Variants in SCFD2 observed in about 807,000 individuals in gnomAD.
SCFD2 encodes sec1 family domain containing 2, also known as sec1 family domain-containing protein 2.
In SCFD2, 54 loss-of-function variants were observed where a neutral mutation model predicts 58.9. The ratio of observed to expected loss-of-function variants is 0.92; its 90% CI spans 0.74 to 1.15. The LOEUF (loss-of-function observed/expected upper bound fraction) is 1.15. Ranked by LOEUF, SCFD2 falls within the 50% of genes most tolerant of loss-of-function variation. SCFD2 has a pLI of 0.00. For synonymous variants in SCFD2, 321 were observed against 335.9 expected, an observed-to-expected ratio of 0.96 and a Z score of 0.49; for missense variants, 805 against 836.6, an observed-to-expected ratio of 0.96 and a Z score of 0.47.
chr4:53,358,854 G>A (rs113074778), intron 1 of SCFD2, among the ~76,000 whole-genome samples: 2,272 of 152,314 alleles, frequency 0.015, 55 homozygotes, highest in African/African-American at 0.052. Context: ...ACCCATAGGT[G>A]TCCAAACTCT....
chr4:53,240,218 T>C (rs1729851484), intron 4 of SCFD2, among the ~76,000 whole-genome samples: 1 of 152,186 alleles, frequency 6.6e-6, no homozygotes, highest in South Asian at 2.1e-4. Context: ...ATCTACCTCT[T>C]ACCTTCAAAA....
chr4:53,194,399 G>A (rs772111477), intron 4 of SCFD2, among the ~76,000 whole-genome samples: 1 of 151,998 alleles, frequency 6.6e-6, no homozygotes, highest in South Asian at 2.1e-4. Context: ...AACCTTTTTA[G>A]AACCTATAAT....
chr4:53,005,504 TA>T, intron 5 of SCFD2, among the ~76,000 whole-genome samples: 1 of 152,256 alleles, frequency 6.6e-6, no homozygotes, highest in Non-Finnish European at 1.5e-5. Flanking sequence ...CCTCATACAT[TA>T]AATTAAAGAG....
At chr4:53,173,343 GA>G (rs1369054590) in intron 4 of SCFD2, among the ~76,000 whole-genome samples, 1 of 152,092 alleles carries the variant, frequency 6.6e-6, no homozygotes, top group African/African-American at 2.4e-5. Flanking sequence ...TTTGCACCCT[GA>G]TAAAGTCAAA....
intron 4 of SCFD2, among the ~76,000 whole-genome samples, chr4:53,197,747 C>CA (rs10717880): frequency 0.14 from 13,175 of 96,496 alleles, 936 homozygotes; most frequent in East Asian, 0.23. Context: ...TAGAAGATGG[C>CA]AAAAAAAAAA....
intron 5 of SCFD2, among the ~76,000 whole-genome samples, chr4:53,107,585 C>T (rs530388428): frequency 6.6e-5 from 10 of 151,952 alleles, no homozygotes; most frequent in African/African-American, 1.7e-4. Flanking sequence ...TCCTAGTCCC[C>T]GATTAAACAG....
intron 3 of SCFD2, among the ~76,000 whole-genome samples, chr4:53,311,682 C>CTCCAACTCACTGT (rs1732696252): frequency 1.3e-5 from 2 of 151,590 alleles, no homozygotes; most frequent in African/African-American, 2.4e-5. Flanking sequence ...TGTTGCCAGG[C>CTCCAACTCACTGT]TGGAGTGCAG....
At chr4:53,066,455 T>C (rs750867892) in intron 5 of SCFD2, among the ~76,000 whole-genome samples, 1 of 152,134 alleles carries the variant, frequency 6.6e-6, no homozygotes, top group Non-Finnish European at 1.5e-5. Context: ...GTGATTGTTT[T>C]ATGGTATGTG....
chr4:52,919,898 C>T (rs1462090689), intron 6 of SCFD2, among the ~76,000 whole-genome samples: 1 of 152,188 alleles, frequency 6.6e-6, no homozygotes, highest in Non-Finnish European at 1.5e-5. Context: ...ATTCAGCTCT[C>T]CAAAAAGCCT....
intron 1 of SCFD2, among the ~76,000 whole-genome samples, chr4:53,361,699 A>G (rs1734553246): frequency 6.6e-6 from 1 of 152,176 alleles, no homozygotes; most frequent in Non-Finnish European, 1.5e-5. Context: ...AGTGGTTTTT[A>G]TCTATAAAAT....
intron 5 of SCFD2, among the ~76,000 whole-genome samples, chr4:53,069,304 A>C (rs1353535110): frequency 6.6e-6 from 1 of 152,074 alleles, no homozygotes; most frequent in African/African-American, 2.4e-5. Flanking sequence ...ATTATGAATG[A>C]GTCCACGACT....
At chr4:52,969,614 TG>T (rs1352066934) in intron 5 of SCFD2, among the ~76,000 whole-genome samples, 1 of 152,174 alleles carries the variant, frequency 6.6e-6, no homozygotes, top group African/African-American at 2.4e-5. Flanking sequence ...CTTAAGAGGC[TG>T]TTTGTAATTT....
chr4:53,326,124 T>C (rs571435041), intron 2 of SCFD2, among the ~76,000 whole-genome samples: 1 of 152,152 alleles, frequency 6.6e-6, no homozygotes, highest in South Asian at 2.1e-4. Flanking sequence ...ATTCATTATT[T>C]AAAATTTTAT....
At chr4:53,197,056 A>G (rs1338537810) in intron 4 of SCFD2, among the ~76,000 whole-genome samples, 1 of 152,144 alleles carries the variant, frequency 6.6e-6, no homozygotes, top group Non-Finnish European at 1.5e-5. Flanking sequence ...TGAAACCAAC[A>G]CTAATTAAAA....
intron 4 of SCFD2, among the ~76,000 whole-genome samples, chr4:53,269,304 A>G (rs2149063672): frequency 6.6e-6 from 1 of 152,296 alleles, no homozygotes. Flanking sequence ...AATCTGGGTG[A>G]TAGAGTGAGA....
chr4:53,349,991 G>A (rs560942452), intron 2 of SCFD2, among the ~76,000 whole-genome samples: 15 of 152,226 alleles, frequency 9.9e-5, no homozygotes, highest in South Asian at 2.1e-4. Context: ...AACTTCCTTC[G>A]TCTTCTATAA....
At chr4:53,201,785 G>A (rs1301951845) in intron 4 of SCFD2, among the ~76,000 whole-genome samples, 1 of 152,170 alleles carries the variant, frequency 6.6e-6, no homozygotes, top group African/African-American at 2.4e-5. Context: ...GTGATGATGA[G>A]CATTTTTTCA....
intron 5 of SCFD2, among the ~76,000 whole-genome samples, chr4:53,100,927 C>T (rs1724815162): frequency 6.6e-6 from 1 of 152,058 alleles, no homozygotes; most frequent in African/African-American, 2.4e-5. Flanking sequence ...ACCACGACCC[C>T]CAAATGATGT....
intron 7 of SCFD2, among the ~76,000 whole-genome samples, chr4:52,892,742 T>A (rs145305791): frequency 6.6e-6 from 1 of 152,278 alleles, no homozygotes; most frequent in African/African-American, 2.4e-5. Flanking sequence ...TTCTTATCCA[T>A]CTCCTTAACA....
Sources: allele counts gnomAD v4.1 joint callset (sites outside exome capture counted in the v4.1 genomes callset), GRCh38; gene constraint gnomAD v4.1.1; transcripts MANE v1.5; gene names NCBI Gene and HGNC (gene_info 2026-07-23, HGNC 2026-07-21).